The following ARHGAP39 variants were observed in gnomAD, a reference collection of about 807,000 sequenced individuals.
The protein encoded by ARHGAP39 is Rho GTPase activating protein 39, also known as rho GTPase-activating protein 39.
Under a neutral mutation model 106.9 loss-of-function variants are expected in ARHGAP39, and 44 were observed. The observed-to-expected ratio is 0.41, with a 90% CI of 0.32 to 0.53. ARHGAP39 has a LOEUF of 0.53. Among genes scored for constraint, ARHGAP39 ranks in the 20% least tolerant of loss-of-function variants. ARHGAP39 has a pLI of 0.21. For synonymous variants in ARHGAP39, 768 were observed against 693.2 expected, an observed-to-expected ratio of 1.11 and a Z score of -1.69; for missense variants, 1,496 against 1,577.3, an observed-to-expected ratio of 0.95 and a Z score of 0.87.
intron 1 of ARHGAP39, among the ~76,000 whole-genome samples, chr8:144,674,889 T>C (rs1264908970): frequency 6.6e-6 from 1 of 152,124 alleles, no homozygotes; most frequent in African/African-American, 2.4e-5. Flanking sequence ...TCAACTTTGT[T>C]CCAAAATTGA....
At chr8:144,660,976 C>T (rs1563727913) in intron 1 of ARHGAP39, among the ~76,000 whole-genome samples, 1 of 151,910 alleles carries the variant, frequency 6.6e-6, no homozygotes, top group Non-Finnish European at 1.5e-5. Context: ...CAGAATGAGA[C>T]TCCATCTCAA....
chr8:144,582,172 G>A (rs918408707), intron 2 of ARHGAP39, among the ~76,000 whole-genome samples: 5 of 152,192 alleles, frequency 3.3e-5, no homozygotes, highest in Admixed American at 2.0e-4. Context: ...AAGGGCCAGC[G>A]GACACCAGGC....
intron 1 of ARHGAP39, among the ~76,000 whole-genome samples, chr8:144,676,066 C>T (rs552891074): frequency 5.3e-5 from 8 of 152,292 alleles, no homozygotes; most frequent in South Asian, 4.2e-4. Context: ...AAAGGCGGCG[C>T]GGACCCAAAG....
At chr8:144,632,978 A>C (rs2130980624) in intron 1 of ARHGAP39, among the ~76,000 whole-genome samples, 2 of 152,292 alleles carry the variant, frequency 1.3e-5, no homozygotes, top group South Asian at 4.2e-4. Flanking sequence ...CATCTCTATA[A>C]ATTTCTTTTT....
Position 144,548,938 on chromosome 8 carries a change from G to A in ARHGAP39, c.597-449C>T, listed in dbSNP as rs764572573. 2.6e-5 allele frequency among the ~76,000 whole-genome samples: 4 copies of A among 152,146 alleles called. No homozygotes were observed. Among genetic ancestry groups the A allele is most frequent in the South Asian group, 2.1e-4 (1 of 4,830 alleles). On this transcript the variant is annotated intron_variant, in intron 4 of 11. Transcript: ENST00000377307. This position sits in a 1 kb window ranked among gnomAD's most constrained non-coding sequence, Gnocchi z 7.4. ...GGAAGGCACACCACCAGAATCCCACGGCCCCATTCTCCGACTGGGAGCTCC... is the reference window on the plus strand; with the variant it reads ...GGAAGGCACACCACCAGAATCCCACAGCCCCATTCTCCGACTGGGAGCTCC...
chr8:144,635,822 G>T (rs1028466724), intron 1 of ARHGAP39, among the ~76,000 whole-genome samples: 1 of 146,814 alleles, frequency 6.8e-6, no homozygotes, highest in African/African-American at 2.5e-5. Flanking sequence ...CTACCGCCAG[G>T]TAGACAGTGT....
Position 144,580,840 on chromosome 8 carries a change from C to T in ARHGAP39, c.512+6G>A, listed in dbSNP as rs1397950389. On this transcript the variant is annotated splice_donor_region_variant and intron_variant, in intron 3 of 11. Transcript: ENST00000377307. ...CCCCGCCCATAGCAGCTGCCCCCGC[C>T]CTCACCTGCCGCTGTCCTCCTTCAC... 13 of 1,540,920 alleles carry T rather than the reference C, an allele frequency of 8.4e-6. No individual in the cohort carries two copies. Among genetic ancestry groups the T allele is most frequent in the Non-Finnish European group, 1.1e-5 (13 of 1,151,088 alleles).
At chr8:144,673,583 C>A (rs1173911389) in intron 1 of ARHGAP39, among the ~76,000 whole-genome samples, 1 of 152,228 alleles carries the variant, frequency 6.6e-6, no homozygotes, top group Non-Finnish European at 1.5e-5. Context: ...CTTTCTATCT[C>A]TACAGATTCA....
In ARHGAP39 at chr8:144,545,681, A is replaced by G; in HGVS notation, c.2089T>C (p.Trp697Arg). 6.2e-7 allele frequency: 1 copy of G among 1,613,378 alleles called. No homozygotes were observed. Among genetic ancestry groups the G allele is most frequent in the Non-Finnish European group, 8.5e-7 (1 of 1,179,994 alleles). ...TGCTTGTTGAAGTGCTTGGAGGCCC[A>G]GTTCTCGATGTCCGTCTCCGAGGAG... Reference protein sequence around the residue: ...KPSSETDIENWASKHFNKHTQ... With the variant: ...KPSSETDIENRASKHFNKHTQ... Residue 697 changes from tryptophan (W) to arginine (R), a missense_variant, in exon 6 of 12, where the codon TGG (tryptophan) becomes CGG (arginine). Physicochemically the swap from Trp to Arg is moderately radical, Grantham distance 101. Transcript: ENST00000377307.
chr8:144,606,098 A>G (rs1388441499), intron 1 of ARHGAP39, among the ~76,000 whole-genome samples: 1 of 152,124 alleles, frequency 6.6e-6, no homozygotes, highest in East Asian at 1.9e-4. Flanking sequence ...CACATCTGAG[A>G]CTCAGTGTCC....
chr8:144,549,313 G>A (rs143076136), intron 4 of ARHGAP39, among the ~76,000 whole-genome samples: 1 of 152,356 alleles, frequency 6.6e-6, no homozygotes, highest in Non-Finnish European at 1.5e-5. Flanking sequence ...GAGAGACGAG[G>A]GGCCCCTCCA....
intron 1 of ARHGAP39, among the ~76,000 whole-genome samples, chr8:144,617,756 G>C (rs952380296): frequency 6.6e-6 from 1 of 152,114 alleles, no homozygotes. Flanking sequence ...TTCGTCTTCT[G>C]CATTGATTTT....
chr8:144,640,485 C>T (rs1821285657), intron 1 of ARHGAP39, among the ~76,000 whole-genome samples: 1 of 152,194 alleles, frequency 6.6e-6, no homozygotes, highest in Non-Finnish European at 1.5e-5. Flanking sequence ...ACGTGACTTG[C>T]TCCTCCTTGC....
chr8:144,615,808 T>C (rs1820620496), intron 1 of ARHGAP39, among the ~76,000 whole-genome samples: 1 of 152,252 alleles, frequency 6.6e-6, no homozygotes, highest in Non-Finnish European at 1.5e-5. Context: ...CCCCGCCCAG[T>C]GCCTGGGCCA....
At chr8:144,563,113 G>A (rs900925392) in intron 3 of ARHGAP39, among the ~76,000 whole-genome samples, 2 of 152,230 alleles carry the variant, frequency 1.3e-5, no homozygotes, top group Non-Finnish European at 2.9e-5. Context: ...AACTGATCAT[G>A]CTAAGAATAT....
intron 1 of ARHGAP39, among the ~76,000 whole-genome samples, chr8:144,660,812 T>G (rs917884026): frequency 6.6e-6 from 1 of 152,120 alleles, no homozygotes; most frequent in African/African-American, 2.4e-5. Flanking sequence ...AAATCCTGTC[T>G]CTACTAAAAA....
At chr8:144,610,783 C>T (rs1021979602) in intron 1 of ARHGAP39, among the ~76,000 whole-genome samples, 11 of 151,972 alleles carry the variant, frequency 7.2e-5, no homozygotes, top group East Asian at 3.9e-4. Context: ...TCATGATATC[C>T]GACAAGTTTT....
intron 2 of ARHGAP39, among the ~76,000 whole-genome samples, chr8:144,590,887 G>A (rs1047261383): frequency 1.2e-4 from 18 of 151,754 alleles, no homozygotes; most frequent in South Asian, 4.2e-4. Flanking sequence ...TCCAGCCAGA[G>A]GGTGAGGTCG....
rs775766251 is a variant in ARHGAP39 at position 144,545,816 on chromosome 8, A to G, written c.1960-6T>C. ...CAGGCAGCGAGGTCCTCAGACTGAG[A>G]AGGACAAATGCGGCTGGGCTGTTGG... On this transcript the variant is annotated splice_polypyrimidine_tract_variant and splice_region_variant and intron_variant, in intron 5 of 11. Coordinates refer to ENST00000377307, the MANE Select transcript of ARHGAP39 (RefSeq NM_025251.3). 9 of 1,532,008 alleles carry G rather than the reference A, an allele frequency of 5.9e-6. 1 individual carries two copies. The Admixed American group carries it at 1.1e-4, about 19-fold the overall frequency. The allele number at this position is 1,532,008 out of a possible 1,614,324, so 94.9% of individuals were successfully genotyped here. A position where few individuals can be genotyped will look rare whatever the true frequency, so the allele number is the denominator to read the frequency against.
Sources: gnomAD v4.1 joint callset for allele counts (sites outside exome capture counted in the v4.1 genomes callset) on GRCh38, gnomAD v4.1.1 for gene constraint, Gnocchi (gnomAD v3.1) non-coding constraint, MANE v1.5 for transcripts, NCBI Gene and HGNC (gene_info 2026-07-23, HGNC 2026-07-21) for gene names.